Variants in PRKN observed in about 807,000 individuals in gnomAD.
PRKN encodes the protein E3 ubiquitin-protein ligase parkin.
Under a neutral mutation model 59.5 loss-of-function variants are expected in PRKN, and 56 were observed. That is an observed-to-expected ratio of 0.94 (90% CI 0.76 to 1.18). PRKN has a LOEUF of 1.18. PRKN is among the 50% of genes most tolerant of loss of function. PRKN has a pLI of 0.00. For synonymous variants in PRKN, 250 were observed against 222.1 expected, an observed-to-expected ratio of 1.13 and a Z score of -1.12; for missense variants, 657 against 596.4, an observed-to-expected ratio of 1.10 and a Z score of -1.06.
At chr6:162,188,010 C>A (rs527725586) in intron 4 of PRKN, among the ~76,000 whole-genome samples, 1 of 152,240 alleles carries the variant, frequency 6.6e-6, no homozygotes, top group Admixed American at 6.5e-5. Context: ...TTTTCCTGCA[C>A]TGTTCTCATG....
At chr6:161,490,644 G>C (rs1285913243) in intron 9 of PRKN, among the ~76,000 whole-genome samples, 1 of 152,056 alleles carries the variant, frequency 6.6e-6, no homozygotes, top group Non-Finnish European at 1.5e-5. Flanking sequence ...TCCCACCTTG[G>C]CATCCCAAAG....
At chr6:161,876,502 A>G (rs1391072820) in intron 6 of PRKN, among the ~76,000 whole-genome samples, 1 of 152,100 alleles carries the variant, frequency 6.6e-6, no homozygotes. Flanking sequence ...TTGTAGAGAC[A>G]AAGCCTCACT....
At position 161,385,126 on chromosome 6, in the gene PRKN, C is replaced by T. The variant is rs1786179382; in HGVS notation, c.1167+1668G>A. On this transcript the variant is annotated intron_variant, in intron 10 of 11. Transcript: ENST00000366898. This position sits in a 1 kb window ranked among gnomAD's most constrained non-coding sequence, Gnocchi z 4.9. ...TGTATTTTTAGTAGAGACGGGGTTT[C>T]ACCATGTTGGCCAGGCTGATCTCAA... 6.6e-6 allele frequency among the ~76,000 whole-genome samples: 1 copy of T among 152,136 alleles called. No homozygotes were observed. The highest frequency in any genetic ancestry group is 1.5e-5 in the Non-Finnish European group (1 of 68,040).
chr6:162,692,488 G>A (rs1174738255), intron 1 of PRKN, among the ~76,000 whole-genome samples: 1 of 152,062 alleles, frequency 6.6e-6, no homozygotes, highest in Non-Finnish European at 1.5e-5. Flanking sequence ...AGGTCACACT[G>A]TATCAGAAGT....
chr6:162,727,355 C>T, intron 1 of PRKN: 2 of 440,290 alleles, frequency 4.5e-6, no homozygotes, highest in Non-Finnish European at 8.0e-6. Flanking sequence ...CGGGACCCCA[C>T]ACGGTCCGGG....
chr6:162,446,838 T>G (rs1790338501), intron 1 of PRKN, among the ~76,000 whole-genome samples: 1 of 152,168 alleles, frequency 6.6e-6, no homozygotes, highest in Non-Finnish European at 1.5e-5. Flanking sequence ...TACCAGCCCC[T>G]GAACTCCAGC....
intron 3 of PRKN, among the ~76,000 whole-genome samples, chr6:162,218,770 G>A (rs1777808079): frequency 6.6e-6 from 1 of 152,080 alleles, no homozygotes; most frequent in Non-Finnish European, 1.5e-5. Flanking sequence ...CCACAAATGG[G>A]GTGGTAGATA....
intron 3 of PRKN, among the ~76,000 whole-genome samples, chr6:162,230,258 A>C (rs1344026427): frequency 6.6e-6 from 1 of 152,244 alleles, no homozygotes; most frequent in Non-Finnish European, 1.5e-5. Flanking sequence ...ATTAACTGTA[A>C]GTGTGTCTAT....
chr6:162,535,254 C>T (rs1169722259), intron 1 of PRKN, among the ~76,000 whole-genome samples: 1 of 152,092 alleles, frequency 6.6e-6, no homozygotes, highest in African/African-American at 2.4e-5. Flanking sequence ...GGGTTGGGAC[C>T]TTTCTGCAAA....
chr6:162,572,452 A>G (rs1388046446), intron 1 of PRKN, among the ~76,000 whole-genome samples: 1 of 152,188 alleles, frequency 6.6e-6, no homozygotes, highest in Non-Finnish European at 1.5e-5. Context: ...TCCAGCTGTC[A>G]TCTGCAGAAT....
intron 5 of PRKN, among the ~76,000 whole-genome samples, chr6:162,009,277 G>T (rs888407724): frequency 2.6e-5 from 4 of 151,640 alleles, no homozygotes; most frequent in Non-Finnish European, 5.9e-5. Flanking sequence ...AGAAAGAGGT[G>T]AGATACTACA....
intron 1 of PRKN, among the ~76,000 whole-genome samples, chr6:162,716,965 G>A (rs58468575): frequency 0.25 from 37,503 of 152,098 alleles, 5,410 homozygotes; most frequent in African/African-American, 0.38. Context: ...GCTGAATAAT[G>A]CCTCCTTGTC....
intron 1 of PRKN, among the ~76,000 whole-genome samples, chr6:162,528,576 G>A (rs138125971): frequency 1.4e-3 from 207 of 152,120 alleles, no homozygotes; most frequent in African/African-American, 4.5e-3. Flanking sequence ...TATCATGTAC[G>A]CAACACCACA....
At chr6:162,071,393 G>A (rs1238023728) in intron 4 of PRKN, among the ~76,000 whole-genome samples, 1 of 151,608 alleles carries the variant, frequency 6.6e-6, no homozygotes, top group Non-Finnish European at 1.5e-5. Context: ...CTTTATTAAA[G>A]GCCTTTAGAT....
At chr6:162,102,777 C>T (rs942408267) in intron 4 of PRKN, among the ~76,000 whole-genome samples, 9 of 144,182 alleles carry the variant, frequency 6.2e-5, no homozygotes, top group African/African-American at 2.7e-4. Flanking sequence ...GGCGCGGTGG[C>T]TCACGCCTGT....
At chr6:162,443,554 C>T (rs1790166628) in intron 1 of PRKN, 81 bp from the exon 2 acceptor site, 19 of 1,293,460 alleles carry the variant, frequency 1.5e-5, no homozygotes, top group Middle Eastern at 1.8e-4. Flanking sequence ...ATTTCTCAAC[C>T]GATTTACCCC....
intron 3 of PRKN, among the ~76,000 whole-genome samples, chr6:162,245,061 C>G (rs1779144048): frequency 1.3e-5 from 2 of 152,060 alleles, no homozygotes; most frequent in African/African-American, 4.8e-5. Context: ...GTATATTTAC[C>G]AAAACATTTT....
At position 161,440,819 on chromosome 6, in the gene PRKN, CTTTA is replaced by C. The variant is rs1290319968; in HGVS notation, c.1084-53946_1084-53943del. Among the ~76,000 whole-genome samples, 4 of 152,146 alleles carry C rather than the reference CTTTA, an allele frequency of 2.6e-5. No homozygotes were observed. In the South Asian group the frequency reaches 6.3e-4, roughly 24 times the overall value. ...AATGGCCCTGGGTTTTCTGAGGGTT[CTTTA>C]TTTGTCTTCGAGAATATTAAAGACC... is the stretch of plus-strand genomic sequence containing the variant. On this transcript the variant is annotated intron_variant, in intron 9 of 11. Coordinates refer to ENST00000366898, the MANE Select transcript of PRKN (RefSeq NM_004562.3). This position sits in a 1 kb window ranked among gnomAD's most constrained non-coding sequence, Gnocchi z 4.1.
In PRKN at chr6:161,550,652, G is replaced by T. The variant is rs1779969972; in HGVS notation, c.934-1649C>A. The stretch of plus-strand genomic sequence containing the variant: ...AAAAGAGGAGTCAACTGTGAGTGGA[G>T]TGTAGTTCCCCGTTTCCTGAGAAGA... On this transcript the variant is annotated intron_variant, in intron 8 of 11. Transcript: ENST00000366898. This position sits in a 1 kb window ranked among gnomAD's most constrained non-coding sequence, Gnocchi z 4.0. Among the ~76,000 whole-genome samples, 1 of 151,726 alleles carries T rather than the reference G, an allele frequency of 6.6e-6. No homozygotes were observed. Among genetic ancestry groups the T allele is most frequent in the Non-Finnish European group, 1.5e-5 (1 of 67,976 alleles).
Sources: gnomAD v4.1 joint callset for allele counts (sites outside exome capture counted in the v4.1 genomes callset) on GRCh38, gnomAD v4.1.1 for gene constraint, Gnocchi (gnomAD v3.1) non-coding constraint, MANE v1.5 for transcripts, NCBI Gene and HGNC (gene_info 2026-07-23, HGNC 2026-07-21) for gene names.